The following IL32 variants were observed in gnomAD, a reference collection of about 807,000 sequenced individuals.
IL32 encodes the protein interleukin-32.
Under a neutral mutation model 16.6 loss-of-function variants are expected in IL32, and 30 were observed. The observed-to-expected ratio is 1.81, with a 90% CI of 1.35 to 2.45. The LOEUF is 2.45. Ranked by LOEUF, IL32 falls within the 30% of genes most tolerant of loss-of-function variation. The probability of loss-of-function intolerance (pLI) is 0.00; values close to 1 mark genes in which losing one functional copy is unlikely to be tolerated. For synonymous variants in IL32, 70 were observed against 86.1 expected, an observed-to-expected ratio of 0.81 and a Z score of 1.03; for missense variants, 234 against 229.8, an observed-to-expected ratio of 1.02 and a Z score of -0.12.
At chr16:3,067,271 C>CTGTGTGTG (rs60859102) in intron 2 of IL32, 106 bp from the exon 3 acceptor site, 33,638 of 595,986 alleles carry the variant, frequency 0.056, 388 homozygotes, top group East Asian at 0.12. Flanking sequence ...CCATGTGTCT[C>CTGTGTGTG]TGTGTGTGTG....
rs1351017839 is a variant in IL32, at chr16:3,067,271, CTGTGT to C, written c.16-105_16-101del. 40 of 603,554 alleles carry C rather than the reference CTGTGT, an allele frequency of 6.6e-5. No individual in the cohort carries two copies. The East Asian group carries it at 1.1e-3, about 16-fold the overall frequency. 37.4% of individuals were successfully genotyped at this position (603,554 alleles called of 1,614,324 possible). A position where few individuals can be genotyped will look rare whatever the true frequency, so the allele number is the denominator to read the frequency against. ...TATCCTGTACCTCTGCCATGTGTCT[CTGTGT>C]GTGTGTGTGTGTGTGTGTGTGTGTG... On this transcript the variant is annotated intron_variant, in intron 2 of 6. Transcript: ENST00000525643.
intron 2 of IL32, among the ~76,000 whole-genome samples, chr16:3,066,426 A>G (rs1956312215): frequency 6.6e-6 from 1 of 152,224 alleles, no homozygotes; most frequent in Non-Finnish European, 1.5e-5. Flanking sequence ...GGATGGGACC[A>G]TCGCTGCCTG....
At chr16:3,065,541 CTGTT>C (rs1212666499), upstream of IL32, 1 of 585,524 alleles carries the variant, frequency 1.7e-6, no homozygotes, top group African/African-American at 1.9e-5. Context: ...CTGTCTCTGT[CTGTT>C]TTTCACGCAC....
At position 3,069,337 on chromosome 16, in the gene IL32, A is replaced by G; in HGVS notation, c.549A>G (p.Glu183=). The change falls in exon 7 of 7, where the codon GAA becomes GAG. Residue 183 remains glutamate (E), a synonymous_variant. Transcript: ENST00000525643. ...AGCTGACACCCCAGAAGTGCTCTGAACCCCAATCCTCAAAATGAAGATACT... is the reference window on the plus strand; with the variant it reads ...AGCTGACACCCCAGAAGTGCTCTGAGCCCCAATCCTCAAAATGAAGATACT... ...KEELTPQKCS[E]PQSSK is the part of the protein sequence containing the mutation. 6.3e-7 allele frequency: 1 copy of G among 1,597,158 alleles called. No individual in the cohort carries two copies. The highest frequency in any genetic ancestry group is 8.5e-7 in the Non-Finnish European group (1 of 1,171,632).
At chr16:3,065,710 G>A in intron 1 of IL32, 23 bp downstream of exon 1, 1 of 1,379,656 alleles carries the variant, frequency 7.2e-7, no homozygotes, top group Non-Finnish European at 1.0e-6. Flanking sequence ...GGTCCCCGAA[G>A]GTGAGGACCC....
At chr16:3,066,318 C>T (rs1956301910) in intron 2 of IL32, among the ~76,000 whole-genome samples, 1 of 152,208 alleles carries the variant, frequency 6.6e-6, no homozygotes. Flanking sequence ...CATGATGTGG[C>T]CTGGCTCAGG....
intron 6 of IL32, chr16:3,068,448 G>A (rs1406967471): frequency 1.7e-6 from 1 of 574,054 alleles, no homozygotes; most frequent in Admixed American, 3.0e-5. Flanking sequence ...TGGGACTACA[G>A]GCACCCGCCA....
intron 2 of IL32, 27 bp from the exon 3 acceptor site, chr16:3,067,350 G>C (rs776458480): frequency 7.3e-7 from 1 of 1,374,274 alleles, no homozygotes; most frequent in African/African-American, 1.5e-5. Flanking sequence ...GACACATGGA[G>C]ACTGAGTGTC....
intron 3 of IL32, 46 bp downstream of exon 3, chr16:3,067,461 T>A (rs376323814): frequency 2.4e-5 from 38 of 1,612,956 alleles, no homozygotes; most frequent in East Asian, 1.3e-4. Context: ...GGCCTGGGTC[T>A]CAGCGTGTGA....
intron 3 of IL32, 65 bp downstream of exon 3, chr16:3,067,480 A>G (rs750824317): frequency 1.5e-5 from 25 of 1,613,614 alleles, no homozygotes; most frequent in Non-Finnish European, 2.1e-5. Context: ...GACACTGAGG[A>G]CACTGTGGGA....
In IL32 at chr16:3,068,007, G is replaced by T. The variant is rs1025291361; in HGVS notation, c.138G>T (p.Leu46=). Residue 46 remains leucine (L), a synonymous_variant, in exon 5 of 7, where the codon CTG becomes CTT. Coordinates refer to ENST00000525643, the MANE Select transcript of IL32 (RefSeq NM_001376923.1). ...RGQVMSSLAE[L]EDDFKEGYLE... is the part of the protein sequence containing the mutation. ...AGGTGATGTCGAGCCTGGCAGAGCT[G>T]GAGGTGAGCCGTGGCCTCCCCCTCC... 1.9e-6 allele frequency: 3 copies of T among 1,614,094 alleles called. No individual in the cohort carries two copies. The highest frequency in any genetic ancestry group is 3.3e-5 in the Admixed American group (2 of 60,028).
At chr16:3,067,023 G>C (rs1163524720) in intron 2 of IL32, among the ~76,000 whole-genome samples, 1 of 63,264 alleles carries the variant, frequency 1.6e-5, no homozygotes, top group Non-Finnish European at 3.6e-5. Context: ...GTGAGGAGGG[G>C]TCACCTAGGC....
At position 3,068,193 on chromosome 16, in the gene IL32, A is replaced by G; in HGVS notation, c.155A>G (p.Glu52Gly). The change falls in exon 6 of 7, where the codon GAG becomes GGG. Residue 52 changes from glutamate (E) to glycine (G), a missense_variant. Coordinates refer to ENST00000525643, the MANE Select transcript of IL32 (RefSeq NM_001376923.1). ...TCCTCTCCCCAGGACGACTTCAAAGAGGGCTACCTGGAGACAGTGGCGGCT... is the reference window on the plus strand; with the variant it reads ...TCCTCTCCCCAGGACGACTTCAAAGGGGGCTACCTGGAGACAGTGGCGGCT... ...SLAELEDDFK[E>G]GYLETVAAYY... 6.2e-7 allele frequency: 1 copy of G among 1,604,488 alleles called. No individual in the cohort carries two copies. Among genetic ancestry groups the G allele is most frequent in the Non-Finnish European group, 8.5e-7 (1 of 1,175,266 alleles).
At chr16:3,068,119 G>A (rs945252337) in intron 5 of IL32, 61 bp from the exon 6 acceptor site, 15 of 1,601,750 alleles carry the variant, frequency 9.4e-6, no homozygotes, top group African/African-American at 1.3e-5. Context: ...ACCAGTGGGG[G>A]CCACAGTGGG....
chr16:3,067,173 C>G (rs543140015), intron 2 of IL32, among the ~76,000 whole-genome samples: 2 of 152,258 alleles, frequency 1.3e-5, no homozygotes, highest in South Asian at 4.2e-4. Flanking sequence ...GAAGCGCTTT[C>G]TGAGTCGTTT....
At chr16:3,066,355 T>C (rs937278918) in intron 2 of IL32, among the ~76,000 whole-genome samples, 1 of 152,204 alleles carries the variant, frequency 6.6e-6, no homozygotes, top group African/African-American at 2.4e-5. Context: ...GGAGGACACA[T>C]GGCTCCCGCA....
At chr16:3,067,776 G>A (rs1195973135) in intron 4 of IL32, 163 bp downstream of exon 4, 3 of 816,062 alleles carry the variant, frequency 3.7e-6, no homozygotes, top group African/African-American at 1.7e-5. Context: ...TGGGCGGGTG[G>A]GGGATCTGGA....
chr16:3,069,293 C>A lies in IL32; in HGVS notation c.505C>A (p.Pro169Thr), dbSNP rs781160848. The change falls in exon 7 of 7, where the codon CCA (proline) becomes ACA (threonine). Residue 169 changes from proline to threonine, a missense_variant. Physicochemically the swap from Pro to Thr is conservative, Grantham distance 38 (BLOSUM62 -1). This residue lies in a region of IL32 where 53 missense variants were observed against 46.1 expected (regional missense o/e 1.15). Transcript: ENST00000525643. ...GTCCTCTTTCCAGTCCTACGGAGCC[C>A]CACGGGGGGACAAGGAGGAGCTGAC... ...FMSSFQSYGAPRGDKEELTPQ... is the reference protein window; with the variant it reads ...FMSSFQSYGATRGDKEELTPQ... 120 of 1,613,916 alleles carry A rather than the reference C, an allele frequency of 7.4e-5. No homozygotes were observed. The highest frequency in any genetic ancestry group is 5.1e-4 in the African/African-American group (38 of 74,902).
chr16:3,069,329 T>C lies in IL32; in HGVS notation c.541T>C (p.Cys181Arg). Residue 181 changes from cysteine (C) to arginine (R), a missense_variant, in exon 7 of 7, where the codon TGC (cysteine) becomes CGC (arginine). Cys to Arg is a radical substitution (Grantham distance 180). Coordinates refer to ENST00000525643, the MANE Select transcript of IL32 (RefSeq NM_001376923.1). ...CAAGGAGGAGCTGACACCCCAGAAG[T>C]GCTCTGAACCCCAATCCTCAAAATG... is the stretch of plus-strand genomic sequence containing the variant. ...GDKEELTPQKCSEPQSSK is the reference protein window; with the variant it reads ...GDKEELTPQKRSEPQSSK 6.2e-7 allele frequency: 1 copy of C among 1,602,496 alleles called. No individual in the cohort carries two copies. The highest frequency in any genetic ancestry group is 1.3e-5 in the African/African-American group (1 of 74,300).
Sources: gnomAD v4.1 joint callset for allele counts (sites outside exome capture counted in the v4.1 genomes callset) on GRCh38, gnomAD v4.1.1 for gene constraint, gnomAD v4.1.1 regional missense constraint, MANE v1.5 for transcripts, NCBI Gene and HGNC (gene_info 2026-07-23, HGNC 2026-07-21) for gene names.